Variants in SSH2 observed in about 807,000 individuals in gnomAD.
SSH2 encodes protein phosphatase Slingshot homolog 2.
SSH2 carries 37 observed loss-of-function variants against 135.2 expected under a neutral mutation model. The observed-to-expected ratio is 0.27, with a 90% CI of 0.21 to 0.36. The LOEUF is 0.36. Ranked by LOEUF, SSH2 falls within the 10% of genes least tolerant of loss-of-function variation. The pLI, the probability that SSH2 is intolerant of heterozygous loss-of-function variation, is 1.00. For synonymous variants in SSH2, 628 were observed against 646.2 expected, an observed-to-expected ratio of 0.97 and a Z score of 0.43; for missense variants, 1,408 against 1,765.3, an observed-to-expected ratio of 0.80 and a Z score of 3.63.
intron 2 of SSH2, among the ~76,000 whole-genome samples, chr17:29,812,161 C>CTT (rs748811941): frequency 1.8e-4 from 22 of 121,612 alleles, no homozygotes; most frequent in African/African-American, 6.2e-4. Context: ...AGTATGTGTT[C>CTT]TTTTTTTTTT....
intron 2 of SSH2, among the ~76,000 whole-genome samples, chr17:29,840,538 T>C (rs183153364): frequency 6.6e-6 from 1 of 152,326 alleles, no homozygotes; most frequent in African/African-American, 2.4e-5. Context: ...ACTTAAATAA[T>C]ATATTTTAGA....
intron 1 of SSH2, among the ~76,000 whole-genome samples, chr17:29,920,316 G>A (rs1008782473): frequency 6.6e-6 from 1 of 152,216 alleles, no homozygotes; most frequent in Non-Finnish European, 1.5e-5. Flanking sequence ...TAGGAAAGAT[G>A]AGAAACCTGA....
chr17:29,701,928 A>T (rs982220799), intron 4 of SSH2, among the ~76,000 whole-genome samples: 5 of 134,748 alleles, frequency 3.7e-5, no homozygotes, highest in African/African-American at 1.4e-4. Flanking sequence ...GGATTTCACC[A>T]TCTTGCCCAG....
intron 3 of SSH2, among the ~76,000 whole-genome samples, chr17:29,732,464 C>T (rs2040228231): frequency 6.6e-6 from 1 of 152,130 alleles, no homozygotes. Context: ...TTTGCTTTGG[C>T]TTTTAAAACA....
intron 5 of SSH2, among the ~76,000 whole-genome samples, chr17:29,685,187 G>A (rs966348929): frequency 6.6e-6 from 1 of 152,138 alleles, no homozygotes; most frequent in Non-Finnish European, 1.5e-5. Context: ...ATTTTCTTCA[G>A]TTTCGATGAT....
At chr17:29,904,731 TG>T (rs2041874402) in intron 1 of SSH2, among the ~76,000 whole-genome samples, 1 of 152,176 alleles carries the variant, frequency 6.6e-6, no homozygotes, top group African/African-American at 2.4e-5. Flanking sequence ...ACAGATGACA[TG>T]ATCATATGTC....
At chr17:29,683,234 C>A (rs969340039) in intron 6 of SSH2, among the ~76,000 whole-genome samples, 1 of 152,046 alleles carries the variant, frequency 6.6e-6, no homozygotes, top group Admixed American at 6.6e-5. Flanking sequence ...TTATCCACAG[C>A]GTAAAGATCT....
chr17:29,703,651 C>T (rs1449278590), intron 3 of SSH2, among the ~76,000 whole-genome samples: 28 of 100,200 alleles, frequency 2.8e-4, no homozygotes, highest in Admixed American at 2.2e-3. Flanking sequence ...TCTCGGCTCA[C>T]TGCAACAACC....
At chr17:29,850,692 A>G (rs565712758) in intron 1 of SSH2, among the ~76,000 whole-genome samples, 1 of 152,322 alleles carries the variant, frequency 6.6e-6, no homozygotes, top group South Asian at 2.1e-4. Flanking sequence ...CCAAATATTT[A>G]AAATCATTGT....
chr17:29,871,304 G>A (rs1389625936), intron 1 of SSH2, among the ~76,000 whole-genome samples: 1 of 152,166 alleles, frequency 6.6e-6, no homozygotes, highest in African/African-American at 2.4e-5. Flanking sequence ...TTGTAAGGAA[G>A]TCACTGAAGT....
intron 4 of SSH2, among the ~76,000 whole-genome samples, chr17:29,701,907 TTG>T (rs1438479273): frequency 2.0e-5 from 3 of 150,720 alleles, no homozygotes; most frequent in African/African-American, 7.3e-5. Context: ...TTTTTTTTTT[TTG>T]TAGAGATGGG....
At chr17:29,821,574 GA>G (rs1399702174) in intron 2 of SSH2, among the ~76,000 whole-genome samples, 2 of 151,096 alleles carry the variant, frequency 1.3e-5, no homozygotes, top group Non-Finnish European at 2.9e-5. Context: ...CATGGAGTAG[GA>G]AAACTTCTGA....
rs2067162229 is a variant in SSH2, at chr17:29,930,121, G to T, written c.-121C>A. ...TGGGGGTGAAGGGAACGGGGAGGAG[G>T]AGGAGGCCGCGGGAACGGCCGCAGA... On this transcript the variant is annotated 5_prime_UTR_variant, in exon 1 of 16. Transcript: ENST00000540801. 4.3e-6 allele frequency: 4 copies of T among 932,574 alleles called. No homozygotes were observed. In the East Asian group the frequency reaches 8.1e-5, roughly 19 times the overall value. 57.8% of individuals were successfully genotyped at this position (932,574 alleles called of 1,614,324 possible). A position where few individuals can be genotyped will look rare whatever the true frequency, so the allele number is the denominator to read the frequency against.
chr17:29,768,196 A>G (rs1489969877), intron 3 of SSH2, among the ~76,000 whole-genome samples: 1 of 152,110 alleles, frequency 6.6e-6, no homozygotes, highest in Non-Finnish European at 1.5e-5. Flanking sequence ...ATGGGAATAA[A>G]GTAGAAAATT....
intron 3 of SSH2, among the ~76,000 whole-genome samples, chr17:29,740,876 T>C (rs1227040322): frequency 6.6e-6 from 1 of 152,270 alleles, no homozygotes; most frequent in Non-Finnish European, 1.5e-5. Context: ...TGTTTGCTTA[T>C]CTTTTGGCTT....
chr17:29,670,462 C>G (rs997534337), intron 9 of SSH2, among the ~76,000 whole-genome samples: 2 of 152,158 alleles, frequency 1.3e-5, no homozygotes, highest in African/African-American at 4.8e-5. Flanking sequence ...TTTGACTGTT[C>G]CTTTCATACA....
At chr17:29,759,224 T>C in intron 3 of SSH2, among the ~76,000 whole-genome samples, 1 of 151,978 alleles carries the variant, frequency 6.6e-6, no homozygotes, top group Non-Finnish European at 1.5e-5. Flanking sequence ...TTTCTTAAGA[T>C]GGAGTCTCAC....
intron 3 of SSH2, among the ~76,000 whole-genome samples, chr17:29,708,698 G>C (rs914076762): frequency 1.3e-5 from 2 of 151,368 alleles, no homozygotes; most frequent in African/African-American, 4.8e-5. Context: ...CACAGAAACA[G>C]AACTGCAGTA....
chr17:29,646,243 T>C (rs906590541), intron 14 of SSH2, among the ~76,000 whole-genome samples: 5 of 152,204 alleles, frequency 3.3e-5, no homozygotes, highest in Non-Finnish European at 5.9e-5. Flanking sequence ...GTGCAATTAA[T>C]TACTCATTTT....
Sources: allele counts gnomAD v4.1 joint callset (sites outside exome capture counted in the v4.1 genomes callset), GRCh38; gene constraint gnomAD v4.1.1; transcripts MANE v1.5; gene names NCBI Gene and HGNC (gene_info 2026-07-23, HGNC 2026-07-21).